The following DIAPH2 variants were observed in gnomAD, a reference collection of about 807,000 sequenced individuals.
The protein encoded by DIAPH2 is protein diaphanous homolog 2.
In DIAPH2, 35 loss-of-function variants were observed where a neutral mutation model predicts 92.7. The ratio of observed to expected loss-of-function variants is 0.38; its 90% CI spans 0.29 to 0.50. DIAPH2 has a LOEUF of 0.50. Ranked by LOEUF, DIAPH2 falls within the 20% of genes least tolerant of loss-of-function variation. The probability of loss-of-function intolerance (pLI) is 0.94; values close to 1 mark genes in which losing one functional copy is unlikely to be tolerated. For synonymous variants in DIAPH2, 301 were observed against 280.4 expected (o/e 1.07, Z -0.73); for missense variants, 701 against 819.5 (o/e 0.86, Z 1.77).
chrX:97,346,502 T>C (rs2069157963), intron 23 of DIAPH2, among the ~76,000 whole-genome samples: 1 of 109,332 alleles, frequency 9.1e-6, no homozygotes, highest in Non-Finnish European at 1.9e-5. Context: ...TTCTCACCCA[T>C]TGCTGGGTTT....
chrX:97,334,998 CAAAAAA>C (rs746536131), intron 23 of DIAPH2, among the ~76,000 whole-genome samples: 6 of 31,453 alleles, frequency 1.9e-4, no homozygotes, highest in South Asian at 5.5e-3. Flanking sequence ...AAAAACAAAA[CAAAAAA>C]AAAAAAAAAA....
chrX:96,894,160 G>A (rs1261277658), intron 5 of DIAPH2, among the ~76,000 whole-genome samples: 1 of 111,418 alleles, frequency 9.0e-6, no homozygotes. Context: ...ACTCCTGTTA[G>A]GTCAGTTCTG....
chrX:96,795,864 A>C (rs907497787), intron 4 of DIAPH2, among the ~76,000 whole-genome samples: 1 of 111,867 alleles, frequency 8.9e-6, no homozygotes, highest in African/African-American at 3.2e-5. Flanking sequence ...ATATTTGGGT[A>C]ATTTTTTAAT....
At chrX:97,411,677 A>G (rs766740556) in intron 25 of DIAPH2, among the ~76,000 whole-genome samples, 18 of 112,115 alleles carry the variant, frequency 1.6e-4, no homozygotes, top group Non-Finnish European at 1.9e-5. Context: ...GCAGAGACAC[A>G]CATAGGCTCA....
intron 17 of DIAPH2, among the ~76,000 whole-genome samples, chrX:97,024,110 C>G (rs964740075): frequency 1.2e-4 from 13 of 111,975 alleles, no homozygotes; most frequent in African/African-American, 3.6e-4. Flanking sequence ...TCTTACATAT[C>G]AACTCATGCA....
intron 17 of DIAPH2, among the ~76,000 whole-genome samples, chrX:97,005,994 G>A (rs907851033): frequency 9.7e-6 from 1 of 103,620 alleles, no homozygotes; most frequent in Non-Finnish European, 2.0e-5. Context: ...ATCAGTTTTG[G>A]TATGATGTGT....
At chrX:97,438,359 GTTTTTTTTTTTT>G (rs1238654436) in intron 26 of DIAPH2, among the ~76,000 whole-genome samples, 8 of 34,581 alleles carry the variant, frequency 2.3e-4, no homozygotes, top group African/African-American at 9.9e-4. Flanking sequence ...TTGTTTGTTT[GTTTTTTTTTTTT>G]TTTTTTTTTT....
intron 4 of DIAPH2, among the ~76,000 whole-genome samples, chrX:96,824,321 G>A (rs1245936093): frequency 1.8e-5 from 2 of 110,592 alleles, no homozygotes; most frequent in Non-Finnish European, 3.8e-5. Context: ...ACACATGGGG[G>A]AAATTGTATG....
At chrX:96,802,252 T>A (rs777685210) in intron 4 of DIAPH2, among the ~76,000 whole-genome samples, 1 of 112,264 alleles carries the variant, frequency 8.9e-6, no homozygotes, top group African/African-American at 3.2e-5. Flanking sequence ...CTTATTCTAA[T>A]AAGCCGTAAA....
Position 97,109,909 on chromosome X carries a change from A to G in DIAPH2, c.2350-4817A>G, listed in dbSNP as rs187981556. Among the ~76,000 whole-genome samples the G allele has an allele frequency of 6.3e-5, 7 of 111,937 alleles. No individual in the cohort carries two copies. The South Asian group carries it at 2.3e-3, about 36-fold the overall frequency. ...CAATGAAGAATTTTTGCCAGATCAA[A>G]GGGCAACTTTGAACCCCTTACAGTA... On this transcript the variant is annotated intron_variant, in intron 20 of 26. Transcript: ENST00000324765.
chrX:96,706,842 AC>A (rs2063888217), intron 1 of DIAPH2, among the ~76,000 whole-genome samples: 1 of 111,911 alleles, frequency 8.9e-6, no homozygotes, highest in Admixed American at 9.5e-5. Flanking sequence ...TATGAATATT[AC>A]ATATCAGTGA....
chrX:97,445,200 G>C (rs905403642), intron 26 of DIAPH2, among the ~76,000 whole-genome samples: 8 of 110,990 alleles, frequency 7.2e-5, no homozygotes, highest in East Asian at 5.6e-4. Context: ...GAAACTTCCT[G>C]GCAGAGGAAG....
At chrX:96,848,874 T>G (rs904814623) in intron 4 of DIAPH2, among the ~76,000 whole-genome samples, 2 of 112,211 alleles carry the variant, frequency 1.8e-5, no homozygotes, top group Non-Finnish European at 3.8e-5. Context: ...GCAGAGATAT[T>G]CTTAAGTGAT....
intron 24 of DIAPH2, among the ~76,000 whole-genome samples, chrX:97,375,555 A>G (rs1220741602): frequency 8.9e-6 from 1 of 112,592 alleles, no homozygotes; most frequent in East Asian, 2.8e-4. Flanking sequence ...GGAAAAGGGA[A>G]GAAGAATTTT....
At chrX:97,586,859 G>A (rs1209295711) in intron 26 of DIAPH2, among the ~76,000 whole-genome samples, 1 of 112,119 alleles carries the variant, frequency 8.9e-6, no homozygotes, top group African/African-American at 3.2e-5. Context: ...GCATTTGAGA[G>A]AGAACACCAT....
chrX:97,403,468 C>G (rs978678791), intron 25 of DIAPH2, among the ~76,000 whole-genome samples: 1 of 112,178 alleles, frequency 8.9e-6, no homozygotes, highest in Admixed American at 9.5e-5. Flanking sequence ...TTTACATACT[C>G]TAAGCAAACA....
At chrX:97,574,742 T>G (rs929573416) in intron 26 of DIAPH2, among the ~76,000 whole-genome samples, 1 of 112,434 alleles carries the variant, frequency 8.9e-6, no homozygotes. Flanking sequence ...TGATAGGCCA[T>G]GTATAATTAG....
rs760246784 is a variant in DIAPH2, at chrX:97,170,852, TTTTC to T, written c.2719+29062_2719+29065del. ...ATACATTATAGACATATTTACATGA[TTTTC>T]TTTTTTAAAAAATTATTTATTTATT... On this transcript the variant is annotated intron_variant, in intron 22 of 26. Transcript: ENST00000324765. Among the ~76,000 whole-genome samples, 228 of 111,395 alleles carry T rather than the reference TTTTC, an allele frequency of 2.0e-3. 3 individuals carry two copies. Among genetic ancestry groups the T allele is most frequent in the African/African-American group, 7.1e-3 (219 of 30,757 alleles).
At chrX:97,467,459 C>A (rs745883196) in intron 26 of DIAPH2, among the ~76,000 whole-genome samples, 1 of 111,578 alleles carries the variant, frequency 9.0e-6, no homozygotes, top group East Asian at 2.8e-4. Context: ...GTAGAAGAAT[C>A]CTCTAAATGT....
Sources: allele counts gnomAD v4.1 joint callset (sites outside exome capture counted in the v4.1 genomes callset), GRCh38; gene constraint gnomAD v4.1.1; transcripts MANE v1.5; gene names NCBI Gene and HGNC (gene_info 2026-07-23, HGNC 2026-07-21).